RBFOX1: variants seen among roughly 807,000 people sequenced by gnomAD.
The protein encoded by RBFOX1 is RNA binding protein fox-1 homolog 1.
RBFOX1 carries 8 observed loss-of-function variants against 57.7 expected under a neutral mutation model. That is an observed-to-expected ratio of 0.14 (90% CI 0.08 to 0.25). RBFOX1 has a LOEUF of 0.25. Ranked by LOEUF, RBFOX1 falls within the 10% of genes least tolerant of loss-of-function variation. The pLI is 1.00. For synonymous variants in RBFOX1, 326 were observed against 222.4 expected, an observed-to-expected ratio of 1.47 and a Z score of -4.15; for missense variants, 611 against 548.5, an observed-to-expected ratio of 1.11 and a Z score of -1.14.
intron 2 of RBFOX1, among the ~76,000 whole-genome samples, chr16:6,597,950 C>T (rs997395659): frequency 2.0e-5 from 3 of 152,214 alleles, no homozygotes; most frequent in Non-Finnish European, 4.4e-5. Context: ...GTAGAAGGAA[C>T]TTTGGTCCTT....
At chr16:7,330,298 T>C (rs900605587) in intron 4 of RBFOX1, among the ~76,000 whole-genome samples, 8 of 151,604 alleles carry the variant, frequency 5.3e-5, no homozygotes, top group African/African-American at 1.9e-4. Flanking sequence ...TAATACAATG[T>C]AAATGCTGTG....
intron 3 of RBFOX1, among the ~76,000 whole-genome samples, chr16:5,781,687 G>T (rs992758784): frequency 3.9e-5 from 6 of 152,222 alleles, no homozygotes; most frequent in African/African-American, 1.4e-4. Flanking sequence ...ACAAGAACTG[G>T]TGGCAGGCTA....
chr16:7,670,894 C>T (rs995332946), intron 13 of RBFOX1, among the ~76,000 whole-genome samples: 2 of 152,190 alleles, frequency 1.3e-5, no homozygotes, highest in Non-Finnish European at 2.9e-5. Context: ...AAGGATTCTA[C>T]AGAGACCTTC....
At chr16:6,795,821 A>G (rs1370419073) in intron 3 of RBFOX1, among the ~76,000 whole-genome samples, 5 of 150,986 alleles carry the variant, frequency 3.3e-5, no homozygotes, top group African/African-American at 1.2e-4. Context: ...TTTTATTTTC[A>G]TGAGAAAACA....
intron 4 of RBFOX1, among the ~76,000 whole-genome samples, chr16:7,435,978 CTCTTT>C (rs982569401): frequency 2.6e-5 from 4 of 152,134 alleles, no homozygotes; most frequent in African/African-American, 7.2e-5. Context: ...ACATAGCGAC[CTCTTT>C]TCTTTTCTCT....
At position 5,810,331 on chromosome 16, in the gene RBFOX1, T is replaced by TA. The variant is rs749090677; in HGVS notation, c.319-56972_319-56971insA. ...CCTAAAACTTAAAGTATAATAATAATTAAAAAAAGATATAAGAATAAGGTG... is the reference window on the plus strand; with the variant it reads ...CCTAAAACTTAAAGTATAATAATAATATAAAAAAAGATATAAGAATAAGGTG... On this transcript the variant is annotated intron_variant, in intron 3 of 19. Coordinates refer to the RBFOX1 transcript ENST00000641259. 8.0e-3 allele frequency among the ~76,000 whole-genome samples: 1,214 copies of TA among 151,764 alleles called. 12 individuals carry two copies. Among genetic ancestry groups the TA allele is most frequent in the African/African-American group, 0.022 (904 of 41,378 alleles).
At chr16:6,667,571 A>G (rs866041126) in intron 3 of RBFOX1, among the ~76,000 whole-genome samples, 1 of 152,146 alleles carries the variant, frequency 6.6e-6, no homozygotes, top group African/African-American at 2.4e-5. Flanking sequence ...TTGGCTAGGC[A>G]CAGGATGCAC....
At chr16:7,694,114 C>G (rs2078048465) in intron 14 of RBFOX1, among the ~76,000 whole-genome samples, 3 of 152,176 alleles carry the variant, frequency 2.0e-5, no homozygotes, top group Non-Finnish European at 2.9e-5. Flanking sequence ...TGCCTTAACA[C>G]TAGATTTCCT....
chr16:5,948,157 T>A (rs2059443163), intron 4 of RBFOX1, among the ~76,000 whole-genome samples: 1 of 152,140 alleles, frequency 6.6e-6, no homozygotes, highest in Non-Finnish European at 1.5e-5. Flanking sequence ...CCTAATGCTA[T>A]ATATAGTAGC....
intron 14 of RBFOX1, chr16:7,693,297 T>A (rs749304884): frequency 6.2e-7 from 1 of 1,612,520 alleles, no homozygotes; most frequent in South Asian, 1.1e-5. Flanking sequence ...GTATTGTGAA[T>A]TTTATCTTCT....
intron 3 of RBFOX1, among the ~76,000 whole-genome samples, chr16:5,634,329 C>G (rs1273838434): frequency 6.6e-6 from 1 of 152,102 alleles, no homozygotes; most frequent in Non-Finnish European, 1.5e-5. Context: ...GAGTGGAAAA[C>G]AAGCAAATTA....
rs368915066 is a variant in RBFOX1, at chr16:5,415,002, A to G, written c.220-52214A>G. On this transcript the variant is annotated intron_variant, in intron 1 of 2. Transcript: ENST00000585867. Reference sequence around the variant, plus strand: ...AGTTTTTGTGTGTTTTCCGTGTGCCAGGTTATATGTTAACAGTCTTGTAAG... The same window carrying G: ...AGTTTTTGTGTGTTTTCCGTGTGCCGGGTTATATGTTAACAGTCTTGTAAG... Among the ~76,000 whole-genome samples the G allele has an allele frequency of 1.1e-3, 164 of 152,244 alleles. 1 individual carries two copies. The South Asian group carries it at 0.032, about 29-fold the overall frequency.
chr16:5,996,929 A>G (rs1748056880), intron 4 of RBFOX1, among the ~76,000 whole-genome samples: 1 of 152,174 alleles, frequency 6.6e-6, no homozygotes. Context: ...TTTTGCATCA[A>G]CCTAATAGTT....
intron 1 of RBFOX1, among the ~76,000 whole-genome samples, chr16:6,233,814 C>T (rs2097484523): frequency 6.6e-6 from 1 of 152,142 alleles, no homozygotes. Flanking sequence ...TGTTCTCTGT[C>T]ACTAAATGTG....
chr16:6,024,565 T>G (rs1474010708), intron 1 of RBFOX1, among the ~76,000 whole-genome samples: 1 of 152,182 alleles, frequency 6.6e-6, no homozygotes, highest in Non-Finnish European at 1.5e-5. Context: ...CTCATCTCAC[T>G]GCCACCTCCA....
chr16:5,336,558 C>T (rs763828782), intron 1 of RBFOX1, among the ~76,000 whole-genome samples: 1 of 152,168 alleles, frequency 6.6e-6, no homozygotes, highest in Non-Finnish European at 1.5e-5. Context: ...ACAACTTGAT[C>T]CCTGGTCCTG....
At chr16:7,608,345 A>C (rs2056760915) in intron 10 of RBFOX1, among the ~76,000 whole-genome samples, 1 of 152,232 alleles carries the variant, frequency 6.6e-6, no homozygotes, top group Non-Finnish European at 1.5e-5. Context: ...AACCAGTCTG[A>C]CAAAATTTAA....
At chr16:5,860,149 C>A (rs944955862) in intron 3 of RBFOX1, among the ~76,000 whole-genome samples, 124 of 152,274 alleles carry the variant, frequency 8.1e-4, no homozygotes, top group African/African-American at 2.9e-3. Context: ...ATGGCATGAT[C>A]TCAACTCACT....
intron 3 of RBFOX1, among the ~76,000 whole-genome samples, chr16:6,886,461 T>C (rs1225019614): frequency 1.3e-5 from 2 of 151,778 alleles, no homozygotes; most frequent in Non-Finnish European, 2.9e-5. Context: ...TTCCAAGATA[T>C]GAAAATGTAG....
Sources: allele counts gnomAD v4.1 joint callset (sites outside exome capture counted in the v4.1 genomes callset), GRCh38; gene constraint gnomAD v4.1.1; transcripts MANE v1.5; gene names NCBI Gene and HGNC (gene_info 2026-07-23, HGNC 2026-07-21).